The following PAK1 variants were observed in gnomAD, a reference collection of about 807,000 sequenced individuals.
The protein encoded by PAK1 is serine/threonine-protein kinase PAK 1.
A neutral mutation model predicts 67.4 loss-of-function variants in PAK1; 29 were observed. The ratio of observed to expected loss-of-function variants is 0.43; its 90% CI spans 0.32 to 0.59. The LOEUF is 0.59. Ranked by LOEUF, PAK1 falls within the 20% of genes least tolerant of loss-of-function variation. The probability of loss-of-function intolerance (pLI) is 0.07; values close to 1 mark genes in which losing one functional copy is unlikely to be tolerated. For missense variants in PAK1, 337 were observed against 670.7 expected (o/e 0.50, Z 5.50); for synonymous variants, 223 against 237.4 (o/e 0.94, Z 0.56).
At chr11:77,503,656 A>G in the PAK1 span, among the ~76,000 whole-genome samples, 4 of 152,300 alleles carry the variant, frequency 2.6e-5, no homozygotes, top group East Asian at 7.7e-4. Flanking sequence ...TAAGCCCTGG[A>G]GTTCAAGACC....
intron 5 of PAK1, among the ~76,000 whole-genome samples, chr11:77,369,736 C>T (rs193299190): frequency 0.013 from 1,991 of 152,132 alleles, 16 homozygotes; most frequent in Non-Finnish European, 0.018. Context: ...GTGTGAGCAC[C>T]GCACCCAGCC....
At chr11:77,500,006 G>A in the PAK1 span, among the ~76,000 whole-genome samples, 2 of 152,106 alleles carry the variant, frequency 1.3e-5, no homozygotes, top group East Asian at 1.9e-4. Flanking sequence ...CTGAACACAC[G>A]CATCTGAGAT....
intron 9 of PAK1, among the ~76,000 whole-genome samples, chr11:77,344,886 T>A (rs1407002235): frequency 6.6e-6 from 1 of 152,200 alleles, no homozygotes; most frequent in African/African-American, 2.4e-5. Context: ...GCCCCTACTT[T>A]ACTTCCAACT....
Position 77,325,370 on chromosome 11 carries a change from T to A in PAK1, c.1552-2010A>T, listed in dbSNP as rs377325525. On this transcript the variant is annotated intron_variant, in intron 14 of 14. Transcript: ENST00000356341. The stretch of plus-strand genomic sequence containing the variant: ...TTACTAAACACTTGAAACCTCAGTT[T>A]TCTCACCTGTAAAAATGAGAATAGA... The A allele has an allele frequency of 2.2e-5, 36 of 1,613,472 alleles. No individual in the cohort carries two copies. Among genetic ancestry groups the A allele is most frequent in the Non-Finnish European group, 3.0e-5 (35 of 1,179,844 alleles).
chr11:77,372,222 C>A (rs959288079), intron 5 of PAK1, among the ~76,000 whole-genome samples: 1 of 152,232 alleles, frequency 6.6e-6, no homozygotes, highest in African/African-American at 2.4e-5. Context: ...AAAGCCTCTT[C>A]TTTAATAATT....
chr11:77,379,830 G>C (rs1328404733), intron 3 of PAK1, 64 bp downstream of exon 3: 2 of 1,064,338 alleles, frequency 1.9e-6, no homozygotes, highest in Non-Finnish European at 2.8e-6. Flanking sequence ...AGAAAGGGTT[G>C]AATCTAACAG....
chr11:77,390,658 G>A (rs1207929687), intron 2 of PAK1, among the ~76,000 whole-genome samples: 2 of 142,550 alleles, frequency 1.4e-5, no homozygotes, highest in Non-Finnish European at 3.0e-5. Context: ...CACCATGCCC[G>A]ACTCCTTTTT....
chr11:77,434,115 G>A (rs1173743340), intron 1 of PAK1, among the ~76,000 whole-genome samples: 1 of 152,170 alleles, frequency 6.6e-6, no homozygotes, highest in Non-Finnish European at 1.5e-5. Flanking sequence ...GTTAGCACAT[G>A]ACCCTGCAAT....
intron 1 of PAK1, among the ~76,000 whole-genome samples, chr11:77,436,959 C>G (rs1956154596): frequency 1.3e-5 from 2 of 152,162 alleles, no homozygotes; most frequent in South Asian, 4.2e-4. Context: ...TTACACAAGC[C>G]TCTTTCTCTG....
At chr11:77,445,645 C>G (rs1956561989) in intron 1 of PAK1, among the ~76,000 whole-genome samples, 1 of 152,180 alleles carries the variant, frequency 6.6e-6, no homozygotes. Flanking sequence ...AATCACTTTT[C>G]CTACTTCCCT....
chr11:77,354,724 T>C (rs1044919118), intron 7 of PAK1, among the ~76,000 whole-genome samples: 1 of 152,186 alleles, frequency 6.6e-6, no homozygotes, highest in South Asian at 2.1e-4. Flanking sequence ...TAAAGTCATA[T>C]AGGAATTAAT....
At chr11:77,423,237 G>C (rs1955366483) in intron 1 of PAK1, among the ~76,000 whole-genome samples, 1 of 149,148 alleles carries the variant, frequency 6.7e-6, no homozygotes, top group South Asian at 2.1e-4. Flanking sequence ...AGCAAATTAA[G>C]ACAATACTAG....
At chr11:77,409,319 G>A (rs1294010023) in intron 1 of PAK1, among the ~76,000 whole-genome samples, 1 of 152,030 alleles carries the variant, frequency 6.6e-6, no homozygotes, top group Non-Finnish European at 1.5e-5. Flanking sequence ...TGGCAAGGAT[G>A]GGGAGAAAGA....
chr11:77,394,582 C>T (rs1951589516), intron 1 of PAK1, among the ~76,000 whole-genome samples: 1 of 152,140 alleles, frequency 6.6e-6, no homozygotes, highest in Non-Finnish European at 1.5e-5. Flanking sequence ...AGCAGTGGCT[C>T]ACACCTGTAA....
intron 9 of PAK1, among the ~76,000 whole-genome samples, chr11:77,347,725 G>A (rs949154723): frequency 2.6e-5 from 4 of 152,096 alleles, no homozygotes; most frequent in Non-Finnish European, 4.4e-5. Flanking sequence ...ATAAGGTGTG[G>A]CATAAAGCAA....
chr11:77,381,380 T>C (rs1784317083), intron 2 of PAK1, among the ~76,000 whole-genome samples: 1 of 152,232 alleles, frequency 6.6e-6, no homozygotes, highest in African/African-American at 2.4e-5. Context: ...ATTTCATACA[T>C]ATCATCTAAT....
the PAK1 span, among the ~76,000 whole-genome samples, chr11:77,529,797 G>A: frequency 6.6e-6 from 1 of 152,264 alleles, no homozygotes; most frequent in Admixed American, 6.5e-5. Context: ...GCAAGAAGAC[G>A]GAAAAGAATA....
chr11:77,426,831 G>A (rs1306990573), intron 1 of PAK1, among the ~76,000 whole-genome samples: 9 of 135,476 alleles, frequency 6.6e-5, no homozygotes, highest in African/African-American at 8.2e-5. Flanking sequence ...AAGCAAAAAT[G>A]AGCAATCTTT....
intron 1 of PAK1, among the ~76,000 whole-genome samples, chr11:77,415,275 G>A (rs967641093): frequency 1.6e-4 from 24 of 152,186 alleles, no homozygotes; most frequent in African/African-American, 5.6e-4. Context: ...TTCATTGCTG[G>A]TGAGAATGCA....
Sources: allele counts gnomAD v4.1 joint callset (sites outside exome capture counted in the v4.1 genomes callset), GRCh38; gene constraint gnomAD v4.1.1; transcripts MANE v1.5; gene names NCBI Gene and HGNC (gene_info 2026-07-23, HGNC 2026-07-21).